Variants in SNTG1 observed in about 807,000 individuals in gnomAD.
SNTG1 encodes the protein syntrophin gamma 1.
SNTG1 carries 39 observed loss-of-function variants against 74.7 expected under a neutral mutation model. That is an observed-to-expected ratio of 0.52 (90% CI 0.40 to 0.68). The LOEUF is 0.68. Among genes scored for constraint, SNTG1 ranks in the 30% least tolerant of loss-of-function variants. The probability of loss-of-function intolerance (pLI) is 0.00; values close to 1 mark genes in which losing one functional copy is unlikely to be tolerated. For synonymous variants in SNTG1, 254 were observed against 217.1 expected (o/e 1.17, Z -1.49); for missense variants, 685 against 609.5 (o/e 1.12, Z -1.30).
chr8:50,138,835 A>G (rs1030617500), intron 1 of SNTG1, among the ~76,000 whole-genome samples: 2 of 151,926 alleles, frequency 1.3e-5, no homozygotes, highest in Non-Finnish European at 1.5e-5. Flanking sequence ...AGTGGGTAGG[A>G]TTATTGCATA....
chr8:50,207,539 G>A (rs1251315017), intron 2 of SNTG1, among the ~76,000 whole-genome samples: 2 of 151,986 alleles, frequency 1.3e-5, no homozygotes, highest in Admixed American at 6.6e-5. Context: ...TTGATTTTTT[G>A]AAGGGTTTTT....
intron 17 of SNTG1, among the ~76,000 whole-genome samples, chr8:50,737,277 A>G (rs1185536000): frequency 2.0e-5 from 3 of 152,178 alleles, no homozygotes; most frequent in Admixed American, 2.0e-4. Flanking sequence ...AATACTATAA[A>G]CAGCTCTATT....
At chr8:49,951,761 T>TA (rs897414844) in intron 1 of SNTG1, among the ~76,000 whole-genome samples, 49 of 141,902 alleles carry the variant, frequency 3.5e-4, no homozygotes, top group Non-Finnish European at 6.1e-4. Flanking sequence ...AGTATAATAA[T>TA]AAAAAAAAAG....
At chr8:50,034,906 T>G (rs1818019333) in intron 1 of SNTG1, among the ~76,000 whole-genome samples, 1 of 152,162 alleles carries the variant, frequency 6.6e-6, no homozygotes, top group African/African-American at 2.4e-5. Flanking sequence ...ATTGTCATGA[T>G]GCAGATTGAG....
intron 12 of SNTG1, among the ~76,000 whole-genome samples, chr8:50,567,918 A>C (rs13262914): frequency 0.82 from 124,130 of 151,982 alleles, 50,913 homozygotes; most frequent in East Asian, 0.93. Context: ...TGCTCTAGTC[A>C]CCCTACTATA....
chr8:50,703,875 C>T (rs1297042514), intron 15 of SNTG1, among the ~76,000 whole-genome samples: 1 of 152,132 alleles, frequency 6.6e-6, no homozygotes, highest in Non-Finnish European at 1.5e-5. Flanking sequence ...CCCAAACATC[C>T]TTATGCGGCA....
At chr8:50,567,039 G>A (rs1250539859) in intron 12 of SNTG1, among the ~76,000 whole-genome samples, 1 of 151,988 alleles carries the variant, frequency 6.6e-6, no homozygotes, top group East Asian at 1.9e-4. Context: ...TATTGTATAA[G>A]AGTTTACACA....
chr8:50,598,414 T>G (rs537162252), intron 13 of SNTG1, among the ~76,000 whole-genome samples: 1 of 152,102 alleles, frequency 6.6e-6, no homozygotes, highest in East Asian at 1.9e-4. Context: ...ATTCTTAGGT[T>G]TTCTTTTCTG....
At chr8:50,517,858 G>A (rs532512730) in intron 9 of SNTG1, among the ~76,000 whole-genome samples, 166 of 152,226 alleles carry the variant, frequency 1.1e-3, no homozygotes, top group Middle Eastern at 3.4e-3. Context: ...ATAATAGTGG[G>A]AGACTTTAAC....
intron 9 of SNTG1, among the ~76,000 whole-genome samples, chr8:50,510,924 G>A (rs1373425691): frequency 6.6e-6 from 1 of 151,890 alleles, no homozygotes; most frequent in Non-Finnish European, 1.5e-5. Context: ...CTTCATTTCT[G>A]CTCTGATCTT....
chr8:49,975,054 TC>T (rs758636348), intron 1 of SNTG1, among the ~76,000 whole-genome samples: 2 of 152,124 alleles, frequency 1.3e-5, no homozygotes, highest in Non-Finnish European at 2.9e-5. Context: ...AGAAAAGCTG[TC>T]ATGTCCAAAC....
At chr8:49,933,182 C>A (rs1020740683) in intron 1 of SNTG1, among the ~76,000 whole-genome samples, 1 of 152,094 alleles carries the variant, frequency 6.6e-6, no homozygotes, top group Non-Finnish European at 1.5e-5. Context: ...TCATGAGGAA[C>A]CACAAAACTG....
chr8:50,608,747 AT>A (rs1345631566), intron 13 of SNTG1, among the ~76,000 whole-genome samples: 1 of 151,502 alleles, frequency 6.6e-6, no homozygotes, highest in African/African-American at 2.4e-5. Context: ...CAATTCTGCT[AT>A]TTTTTCTAGA....
chr8:50,025,324 C>T (rs1022173587), intron 1 of SNTG1, among the ~76,000 whole-genome samples: 2 of 152,048 alleles, frequency 1.3e-5, no homozygotes, highest in Non-Finnish European at 2.9e-5. Context: ...ATCCACCATT[C>T]TAATTATTAG....
chr8:50,274,262 T>G (rs923979107), intron 2 of SNTG1, among the ~76,000 whole-genome samples: 15 of 151,928 alleles, frequency 9.9e-5, no homozygotes, highest in Non-Finnish European at 1.9e-4. Context: ...AATTTTTGTG[T>G]TTTTAGTAGA....
chr8:50,585,704 C>G (rs970852305), intron 12 of SNTG1, among the ~76,000 whole-genome samples: 9 of 151,832 alleles, frequency 5.9e-5, no homozygotes, highest in Non-Finnish European at 1.2e-4. Context: ...TAATATTTGA[C>G]TGTATATAAT....
intron 1 of SNTG1, among the ~76,000 whole-genome samples, chr8:50,135,582 T>C (rs1175381868): frequency 6.6e-6 from 1 of 152,160 alleles, no homozygotes; most frequent in Non-Finnish European, 1.5e-5. Flanking sequence ...TAATTTCTCC[T>C]TAACCTTTAC....
rs186757104 is a variant in SNTG1 at position 49,981,296 on chromosome 8, C to T, written c.-103+69065C>T. ...TGGCACCAGAGACCCCTGGGAAAGA[C>T]TCATAATCAGAGGTACCAATAAAGG... is the stretch of plus-strand genomic sequence containing the variant. On this transcript the variant is annotated intron_variant, in intron 1 of 18. Coordinates refer to ENST00000642720, the MANE Select transcript of SNTG1 (RefSeq NM_018967.5). 9.2e-5 allele frequency among the ~76,000 whole-genome samples: 14 copies of T among 152,230 alleles called. 1 individual carries two copies. The East Asian group carries it at 2.5e-3, about 27-fold the overall frequency.
chr8:50,768,323 G>A (rs561568987), intron 18 of SNTG1, among the ~76,000 whole-genome samples: 136 of 151,872 alleles, frequency 9.0e-4, no homozygotes, highest in African/African-American at 2.7e-3. Context: ...TTAAAGGGTC[G>A]CTCTAGAGAA....
Sources: gnomAD v4.1 joint callset for allele counts (sites outside exome capture counted in the v4.1 genomes callset) on GRCh38, gnomAD v4.1.1 for gene constraint, MANE v1.5 for transcripts, NCBI Gene and HGNC (gene_info 2026-07-23, HGNC 2026-07-21) for gene names.